NCAM2: variants seen among roughly 807,000 people sequenced by gnomAD.
NCAM2 encodes the protein neural cell adhesion molecule 2.
Under a neutral mutation model 98.1 loss-of-function variants are expected in NCAM2, and 30 were observed. That is an observed-to-expected ratio of 0.31 (90% CI 0.23 to 0.41). The LOEUF (loss-of-function observed/expected upper bound fraction) is 0.41, where lower values mean the gene tolerates loss of function less well. Ranked by LOEUF, NCAM2 falls within the 10% of genes least tolerant of loss-of-function variation. NCAM2 has a pLI of 1.00. For missense variants in NCAM2, 867 were observed against 1,005.8 expected, an observed-to-expected ratio of 0.86 and a Z score of 1.87; for synonymous variants, 368 against 342.4, an observed-to-expected ratio of 1.07 and a Z score of -0.83.
chr21:21,426,332 A>G (rs1396669999), intron 11 of NCAM2, among the ~76,000 whole-genome samples: 1 of 152,152 alleles, frequency 6.6e-6, no homozygotes, highest in South Asian at 2.1e-4. Flanking sequence ...TTATGGTGAC[A>G]CTGCATGTAA....
chr21:21,530,292 A>G (rs1001683821), intron 16 of NCAM2, among the ~76,000 whole-genome samples: 7 of 124,016 alleles, frequency 5.6e-5, no homozygotes, highest in Non-Finnish European at 1.1e-4. Context: ...ATTTAATTAT[A>G]TATAATTAAA....
chr21:21,447,923 G>A (rs1399093252), intron 12 of NCAM2, among the ~76,000 whole-genome samples: 1 of 152,070 alleles, frequency 6.6e-6, no homozygotes, highest in Non-Finnish European at 1.5e-5. Flanking sequence ...TGGAGTAATA[G>A]GAATGCTTTT....
intron 1 of NCAM2, among the ~76,000 whole-genome samples, chr21:21,214,367 G>A (rs968026423): frequency 6.6e-6 from 1 of 152,066 alleles, no homozygotes; most frequent in East Asian, 1.9e-4. Context: ...TCATTTTGGA[G>A]AAGCACTTAT....
At chr21:21,283,440 C>A (rs2072995600) in intron 2 of NCAM2, among the ~76,000 whole-genome samples, 2 of 151,686 alleles carry the variant, frequency 1.3e-5, no homozygotes, top group Non-Finnish European at 2.9e-5. Context: ...AGGATAGTAA[C>A]CTAGATTCTG....
In NCAM2 at chr21:21,373,687, G is replaced by A. The variant is rs547733295; in HGVS notation, c.1045-176G>A. Reference sequence around the variant, plus strand: ...ATGAAGCTATGAGAATGTAAAAAGTGTGCTTTTTAAAAAAAACTTATTCTT... The same window carrying A: ...ATGAAGCTATGAGAATGTAAAAAGTATGCTTTTTAAAAAAAACTTATTCTT... On this transcript the variant is annotated intron_variant, in intron 8 of 17. Transcript: ENST00000400546. Among the ~76,000 whole-genome samples, 6 of 151,724 alleles carry A rather than the reference G, an allele frequency of 4.0e-5. No individual in the cohort carries two copies. The South Asian group carries it at 1.2e-3, about 31-fold the overall frequency.
At chr21:21,424,249 A>G (rs1273258794) in intron 11 of NCAM2, among the ~76,000 whole-genome samples, 1 of 152,354 alleles carries the variant, frequency 6.6e-6, no homozygotes, top group East Asian at 1.9e-4. Context: ...TTATTTTCAG[A>G]GAATCCATGT....
chr21:21,040,602 T>TA (rs796744451), intron 1 of NCAM2, among the ~76,000 whole-genome samples: 160 of 148,404 alleles, frequency 1.1e-3, no homozygotes, highest in Admixed American at 2.6e-3. Context: ...CGTTCAGTCT[T>TA]AAAAAAAAAA....
chr21:21,370,774 A>G (rs2075897072), intron 8 of NCAM2, among the ~76,000 whole-genome samples: 1 of 151,860 alleles, frequency 6.6e-6, no homozygotes, highest in Non-Finnish European at 1.5e-5. Flanking sequence ...CCTCATCTTA[A>G]AATGGAAATA....
intron 12 of NCAM2, among the ~76,000 whole-genome samples, chr21:21,462,540 T>G (rs767732132): frequency 3.8e-4 from 57 of 151,988 alleles, no homozygotes; most frequent in Non-Finnish European, 2.9e-4. Context: ...TCTGGTTCTC[T>G]AATAAAAAGA....
chr21:21,170,715 A>G (rs1033711125), intron 1 of NCAM2, among the ~76,000 whole-genome samples: 2 of 152,202 alleles, frequency 1.3e-5, no homozygotes, highest in Non-Finnish European at 2.9e-5. Flanking sequence ...ACCAAAATCC[A>G]TGGAATATAT....
intron 1 of NCAM2, among the ~76,000 whole-genome samples, chr21:21,091,994 C>A (rs1374613048): frequency 2.6e-5 from 4 of 151,998 alleles, no homozygotes; most frequent in African/African-American, 9.6e-5. Flanking sequence ...GAGGGCCTGA[C>A]AAAGTTGGTG....
At chr21:21,078,154 A>G (rs118157781) in intron 1 of NCAM2, among the ~76,000 whole-genome samples, 2,818 of 152,272 alleles carry the variant, frequency 0.019, 31 homozygotes, top group Middle Eastern at 0.075. Flanking sequence ...AACCTATAAC[A>G]AAATAGAAGC....
intron 1 of NCAM2, among the ~76,000 whole-genome samples, chr21:20,999,426 G>A (rs1438501117): frequency 6.6e-6 from 1 of 151,964 alleles, no homozygotes; most frequent in African/African-American, 2.4e-5. Context: ...TTTGTCTCTA[G>A]AGAGATAGAT....
At chr21:21,004,259 A>G (rs2064071641) in intron 1 of NCAM2, among the ~76,000 whole-genome samples, 1 of 152,208 alleles carries the variant, frequency 6.6e-6, no homozygotes. Context: ...AGGCCTTAAA[A>G]TGAGAATATT....
rs754092406 is a variant in NCAM2 at position 21,335,524 on chromosome 21, G to A, written c.757G>A (p.Glu253Lys). 1 of 1,592,604 alleles carries A rather than the reference G, an allele frequency of 6.3e-7. No individual in the cohort carries two copies. The highest frequency in any genetic ancestry group is 1.1e-5 in the South Asian group (1 of 87,184). The change falls in exon 7 of 18, where the codon GAA (glutamate) becomes AAA (lysine). Residue 253 changes from glutamate to lysine, a missense_variant. Physicochemically the swap from Glu to Lys is moderately conservative, Grantham distance 56 (BLOSUM62 1). This residue lies in a region of NCAM2 where 447 missense variants were observed against 495.7 expected (regional missense o/e 0.90). Coordinates refer to ENST00000400546, the MANE Select transcript of NCAM2 (RefSeq NM_004540.5). ...CTTTAGGAATGGCAAGCTCATTGAA[G>A]AAAATGAGAAGTACATATTGAAAGG... ...SWFRNGKLIE[E>K]NEKYILKGSN...
intron 5 of NCAM2, among the ~76,000 whole-genome samples, chr21:21,315,309 A>G (rs1338154574): frequency 6.6e-6 from 1 of 152,206 alleles, no homozygotes; most frequent in Non-Finnish European, 1.5e-5. Flanking sequence ...ACAGAGCTCA[A>G]GATTTCCTAA....
intron 9 of NCAM2, among the ~76,000 whole-genome samples, chr21:21,389,811 A>G (rs2076342732): frequency 6.6e-6 from 1 of 152,092 alleles, no homozygotes; most frequent in African/African-American, 2.4e-5. Flanking sequence ...TTCTTTATCC[A>G]TTCATGCACT....
chr21:21,537,904 A>G lies in NCAM2; in HGVS notation c.2461A>G (p.Ile821Val). The change falls in exon 18 of 18, where the codon ATT becomes GTT. Residue 821 changes from isoleucine to valine, a missense_variant. By Grantham distance (29) the Ile-to-Val change is conservative. This residue lies in a region of NCAM2 where 125 missense variants were observed against 116.1 expected (regional missense o/e 1.08). Coordinates refer to ENST00000400546, the MANE Select transcript of NCAM2 (RefSeq NM_004540.5). ...KEALNPETIE[I>V]KVSNDIIQSK... Reference sequence around the variant, plus strand: ...AGCTCTAAATCCAGAAACTATAGAAATTAAAGTTTCTAACGACATCATTCA... The same window carrying G: ...AGCTCTAAATCCAGAAACTATAGAAGTTAAAGTTTCTAACGACATCATTCA... The G allele has an allele frequency of 6.3e-7, 1 of 1,583,798 alleles. No homozygotes were observed. Among genetic ancestry groups the G allele is most frequent in the South Asian group, 1.2e-5 (1 of 85,898 alleles).
At chr21:21,243,049 A>G (rs2071130442) in intron 1 of NCAM2, among the ~76,000 whole-genome samples, 2 of 152,108 alleles carry the variant, frequency 1.3e-5, no homozygotes, top group Admixed American at 1.3e-4. Context: ...AAATAATTAA[A>G]TTAATAATTC....
Sources: allele counts gnomAD v4.1 joint callset (sites outside exome capture counted in the v4.1 genomes callset), GRCh38; gene constraint gnomAD v4.1.1; regional missense constraint gnomAD v4.1.1; transcripts MANE v1.5; gene names NCBI Gene and HGNC (gene_info 2026-07-23, HGNC 2026-07-21).